Variants in MDGA2 observed in about 807,000 individuals in gnomAD.
The protein encoded by MDGA2 is MAM domain containing glycosylphosphatidylinositol anchor 2, also known as MAM domain-containing glycosylphosphatidylinositol anchor protein 2.
Under a neutral mutation model 117.8 loss-of-function variants are expected in MDGA2, and 40 were observed. The ratio of observed to expected loss-of-function variants is 0.34; its 90% CI spans 0.26 to 0.44. MDGA2 has a LOEUF of 0.44. MDGA2 is among the 20% of genes least tolerant of loss of function. The pLI is 1.00. For synonymous variants in MDGA2, 452 were observed against 439.0 expected (o/e 1.03, Z -0.37); for missense variants, 1,123 against 1,250.6 (o/e 0.90, Z 1.54).
chr14:46,898,005 T>A (rs1252649029), intron 10 of MDGA2, among the ~76,000 whole-genome samples: 1 of 151,962 alleles, frequency 6.6e-6, no homozygotes, highest in Non-Finnish European at 1.5e-5. Context: ...GCATTATGTT[T>A]TCTAAGAGGA....
At chr14:47,338,388 T>G (rs1890522450) in intron 1 of MDGA2, among the ~76,000 whole-genome samples, 1 of 151,912 alleles carries the variant, frequency 6.6e-6, no homozygotes, top group South Asian at 2.1e-4. Context: ...CTGGATAGAC[T>G]ACATATCTTG....
At chr14:47,445,591 G>C (rs1370991502) in intron 1 of MDGA2, among the ~76,000 whole-genome samples, 1 of 151,998 alleles carries the variant, frequency 6.6e-6, no homozygotes. Context: ...ACAAGGAAAA[G>C]CTTCATGAAA....
intron 6 of MDGA2, among the ~76,000 whole-genome samples, chr14:47,093,036 T>A (rs1879757905): frequency 6.6e-6 from 1 of 151,950 alleles, no homozygotes; most frequent in Non-Finnish European, 1.5e-5. Flanking sequence ...TCTTCATAGC[T>A]CACTCTGAGC....
At chr14:47,342,171 G>A (rs1594807056) in intron 1 of MDGA2, among the ~76,000 whole-genome samples, 2 of 151,548 alleles carry the variant, frequency 1.3e-5, no homozygotes, top group Admixed American at 6.6e-5. Context: ...CCATTCATAA[G>A]CTAGGCCTAT....
chr14:47,667,720 G>C (rs1898000812), intron 1 of MDGA2, among the ~76,000 whole-genome samples: 1 of 152,174 alleles, frequency 6.6e-6, no homozygotes, highest in Non-Finnish European at 1.5e-5. Context: ...GAGACGCCTA[G>C]CTGTGAACAA....
At chr14:47,312,599 G>A (rs958605028) in intron 1 of MDGA2, among the ~76,000 whole-genome samples, 2 of 151,288 alleles carry the variant, frequency 1.3e-5, no homozygotes, top group Non-Finnish European at 2.9e-5. Context: ...AACCTTCTGA[G>A]CTGAAAGGAT....
At position 47,396,671 on chromosome 14, in the gene MDGA2, G is replaced by T. The variant is rs779174814; in HGVS notation, c.281-95121C>A. Among the ~76,000 whole-genome samples the T allele has an allele frequency of 9.4e-4, 143 of 152,250 alleles. 1 individual carries two copies. Among genetic ancestry groups the T allele is most frequent in the Non-Finnish European group, 3.4e-4 (23 of 68,014 alleles). ...AAAACAACCCCATCCAAATGTGGGT[G>T]AAGGATATGAACAGACACTTCTCAA... On this transcript the variant is annotated intron_variant, in intron 1 of 16. Coordinates refer to ENST00000399232, the MANE Select transcript of MDGA2 (RefSeq NM_001113498.3).
At chr14:47,183,057 C>T (rs1268204991) in intron 3 of MDGA2, among the ~76,000 whole-genome samples, 1 of 152,140 alleles carries the variant, frequency 6.6e-6, no homozygotes, top group Non-Finnish European at 1.5e-5. Flanking sequence ...TAGACACATA[C>T]ATTTGGTTGT....
At chr14:47,139,312 T>C (rs892515559) in intron 4 of MDGA2, among the ~76,000 whole-genome samples, 4 of 152,084 alleles carry the variant, frequency 2.6e-5, no homozygotes, top group Non-Finnish European at 4.4e-5. Flanking sequence ...TTTGGAGACA[T>C]TGTCTTTCTT....
At chr14:47,019,287 T>G in intron 8 of MDGA2, among the ~76,000 whole-genome samples, 1 of 152,106 alleles carries the variant, frequency 6.6e-6, no homozygotes, top group East Asian at 1.9e-4. Flanking sequence ...TTGACAAAAT[T>G]AAAGGAATAC....
chr14:46,890,530 G>A (rs1182931371), intron 10 of MDGA2, among the ~76,000 whole-genome samples: 2 of 151,888 alleles, frequency 1.3e-5, no homozygotes, highest in Non-Finnish European at 2.9e-5. Flanking sequence ...AAAACAAAAC[G>A]AACACAGCAG....
intron 1 of MDGA2, chr14:47,343,006 G>A: frequency 8.5e-7 from 1 of 1,173,700 alleles, no homozygotes; most frequent in Non-Finnish European, 1.1e-6. Context: ...CTACCTCAGG[G>A]GAGTCAGCCA....
At chr14:47,083,115 T>A (rs1181484774) in intron 6 of MDGA2, among the ~76,000 whole-genome samples, 1 of 151,590 alleles carries the variant, frequency 6.6e-6, no homozygotes, top group Non-Finnish European at 1.5e-5. Flanking sequence ...ATAAGAAAAA[T>A]TAAATTAATG....
intron 8 of MDGA2, among the ~76,000 whole-genome samples, chr14:47,019,783 G>T: frequency 6.6e-6 from 1 of 150,538 alleles, no homozygotes; most frequent in South Asian, 2.1e-4. Flanking sequence ...GGCGGAGCTT[G>T]CAGTGAGCCG....
At chr14:47,423,204 G>A (rs969879796) in intron 1 of MDGA2, among the ~76,000 whole-genome samples, 5 of 152,018 alleles carry the variant, frequency 3.3e-5, no homozygotes, top group Non-Finnish European at 7.4e-5. Context: ...AGCTAAATTT[G>A]AAATTCATTA....
Position 47,001,782 on chromosome 14 carries a change from CAT to C in MDGA2, c.1819+33227_1819+33228del, listed in dbSNP as rs375677988. The stretch of plus-strand genomic sequence containing the variant: ...GTTACTGAAATGCAAGGTTATAAGA[CAT>C]AGTTCTTCAGCAATTCACACGGACA... On this transcript the variant is annotated intron_variant, in intron 8 of 16. Coordinates refer to ENST00000399232, the MANE Select transcript of MDGA2 (RefSeq NM_001113498.3). 1.2e-4 allele frequency among the ~76,000 whole-genome samples: 19 copies of C among 152,130 alleles called. 2 individuals carry two copies. Among genetic ancestry groups the C allele is most frequent in the African/African-American group, 4.3e-4 (18 of 41,522 alleles).
At chr14:47,077,530 C>T (rs77165954) in intron 6 of MDGA2, among the ~76,000 whole-genome samples, 3,566 of 151,934 alleles carry the variant, frequency 0.023, 136 homozygotes, top group African/African-American at 0.082. Context: ...GCATTTTCTA[C>T]ATAATGGGAC....
rs184285817 is a variant in MDGA2 at position 47,136,734 on chromosome 14, T to C, written c.793-4888A>G. The stretch of plus-strand genomic sequence containing the variant: ...TCTCTTCCCTACCATTTGGGCAGTG[T>C]TTTGCATGTTGTCAACTCAGAAAAG... On this transcript the variant is annotated intron_variant, in intron 4 of 16. Coordinates refer to ENST00000399232, the MANE Select transcript of MDGA2 (RefSeq NM_001113498.3). 1.2e-4 allele frequency among the ~76,000 whole-genome samples: 18 copies of C among 152,302 alleles called. No homozygotes were observed. In the East Asian group the frequency reaches 3.5e-3, roughly 29 times the overall value.
At chr14:46,878,122 T>C (rs1882303328) in intron 11 of MDGA2, among the ~76,000 whole-genome samples, 1 of 151,912 alleles carries the variant, frequency 6.6e-6, no homozygotes, top group African/African-American at 2.4e-5. Flanking sequence ...GAGCAATACA[T>C]TTTCTGTTCT....
Sources: allele counts gnomAD v4.1 joint callset (sites outside exome capture counted in the v4.1 genomes callset), GRCh38; gene constraint gnomAD v4.1.1; transcripts MANE v1.5; gene names NCBI Gene and HGNC (gene_info 2026-07-23, HGNC 2026-07-21).